TYMP: variants seen among roughly 807,000 people sequenced by gnomAD.
TYMP encodes thymidine phosphorylase.
Under a neutral mutation model 42.3 loss-of-function variants are expected in TYMP, and 46 were observed. The observed-to-expected ratio is 1.09, with a 90% CI of 0.86 to 1.39. TYMP has a LOEUF of 1.39. Ranked by LOEUF, TYMP falls within the 40% of genes most tolerant of loss-of-function variation. The pLI is 0.00. For missense variants in TYMP, 837 were observed against 677.6 expected, an observed-to-expected ratio of 1.24 and a Z score of -2.61; for synonymous variants, 363 against 308.0, an observed-to-expected ratio of 1.18 and a Z score of -1.87.
Position 50,526,448 on chromosome 22 carries a change from G to C in TYMP, c.957C>G (p.His319Gln). The change falls in exon 8 of 10, where the codon CAC becomes CAG. Residue 319 changes from histidine (H) to glutamine (Q), a missense_variant. Physicochemically the swap from His to Gln is conservative, Grantham distance 24. Transcript: ENST00000252029. ...LGGALLWLSG[H>Q]AGTQAQGAAR... ...CAGCGCCCTGGGCCTGAGTCCCCGC[G>C]TGTCCGCTGAGCCAGAGCAGGGCGC... 1.3e-6 allele frequency: 2 copies of C among 1,496,788 alleles called. No homozygotes were observed. Among genetic ancestry groups the C allele is most frequent in the African/African-American group, 1.5e-5 (1 of 68,832 alleles). The allele number at this position is 1,496,788 out of a possible 1,614,324, so 92.7% of individuals were successfully genotyped here. A position where few individuals can be genotyped will look rare whatever the true frequency, so the allele number is the denominator to read the frequency against.
chr22:50,529,651 C>T lies in TYMP; in HGVS notation c.59G>A (p.Gly20Glu). Residue 20 changes from glycine (G) to glutamate (E), a missense_variant, in exon 2 of 10, where the codon GGG (glycine) becomes GAG (glutamate). Transcript: ENST00000252029. ...GTCGGGAAGTCCCTGGCTCCCTTCCCCGGAGAAGTCACCAGGCGCGGGTGG... is the reference window on the plus strand; with the variant it reads ...GTCGGGAAGTCCCTGGCTCCCTTCCTCGGAGAAGTCACCAGGCGCGGGTGG... ...GAPPAPGDFS[G>E]EGSQGLPDPS... 1 of 1,612,464 alleles carries T rather than the reference C, an allele frequency of 6.2e-7. No homozygotes were observed. The highest frequency in any genetic ancestry group is 1.1e-5 in the South Asian group (1 of 90,954).
In TYMP at chr22:50,529,698, C is replaced by G; in HGVS notation, c.12G>C (p.Leu4Phe). The G allele has an allele frequency of 6.2e-7, 1 of 1,610,670 alleles. No individual in the cohort carries two copies. The highest frequency in any genetic ancestry group is 8.5e-7 in the Non-Finnish European group (1 of 1,179,178). ...GTGGGGCCCCGGTTCCCGGGGTCAT[C>G]AAGGCTGCCATCGCTCCGGGCCTGC... MAA[L>F]MTPGTGAPPA... is the part of the protein sequence containing the mutation. Residue 4 changes from leucine (L) to phenylalanine (F), a missense_variant, in exon 2 of 10, where the codon TTG (leucine) becomes TTC (phenylalanine). Coordinates refer to ENST00000252029, the MANE Select transcript of TYMP (RefSeq NM_001953.5).
rs773975052 is a variant in TYMP at position 50,526,570 on chromosome 22, C to G, written c.928+6G>C. On this transcript the variant is annotated splice_donor_region_variant and intron_variant, in intron 7 of 9. Coordinates refer to ENST00000252029, the MANE Select transcript of TYMP (RefSeq NM_001953.5). ...CCTCCGCTCCCCTACACCCCGTCCC[C>G]CTCACCGAGCGTGGTGACCAGGTCC... The G allele has an allele frequency of 5.1e-6, 8 of 1,568,562 alleles. No individual in the cohort carries two copies. The highest frequency in any genetic ancestry group is 6.0e-6 in the Non-Finnish European group (7 of 1,158,032).
At position 50,525,783 on chromosome 22, in the gene TYMP, G is replaced by A. The variant is rs1245466741; in HGVS notation, c.1436C>T (p.Pro479Leu). The stretch of plus-strand genomic sequence containing the variant: ...GGCAAAGGAGCTTTATTGCTGCGGC[G>A]GCAGAACGAGCTCTGCGAAGGGCGA... ...APSPFAELVLPPQQ is the reference protein window; with the variant it reads ...APSPFAELVLLPQQ The change falls in exon 10 of 10, where the codon CCG (proline) becomes CTG (leucine). Residue 479 changes from proline to leucine, a missense_variant. Pro to Leu is a moderately conservative substitution (Grantham distance 98, BLOSUM62 -3). Transcript: ENST00000252029. 3 of 1,610,866 alleles carry A rather than the reference G, an allele frequency of 1.9e-6. No homozygotes were observed. The highest frequency in any genetic ancestry group is 2.2e-5 in the East Asian group (1 of 44,812).
Position 50,526,411 on chromosome 22 carries a change from C to T in TYMP, c.994G>A (p.Ala332Thr). 6.6e-7 allele frequency: 1 copy of T among 1,512,614 alleles called. No individual in the cohort carries two copies. Among genetic ancestry groups the T allele is most frequent in the South Asian group, 1.2e-5 (1 of 81,396 alleles). 93.7% of individuals were successfully genotyped at this position (1,512,614 alleles called of 1,614,324 possible). The change falls in exon 8 of 10, where the codon GCG (alanine) becomes ACG (threonine). Residue 332 changes from alanine (A) to threonine (T), a missense_variant. Physicochemically the swap from Ala to Thr is moderately conservative, Grantham distance 58. Transcript: ENST00000252029. ...TQAQGAARVA[A>T]ALDDGSALGR... is the part of the protein sequence containing the mutation. ...AGGGCCGAGCCGTCGTCCAGCGCCG[C>T]GGCCACCCGGGCAGCGCCCTGGGCC...
chr22:50,526,065 C>T lies in TYMP; in HGVS notation c.1236G>A (p.Gly412=), dbSNP rs1319340957. The T allele has an allele frequency of 1.3e-6, 2 of 1,484,294 alleles. No homozygotes were observed. The highest frequency in any genetic ancestry group is 2.3e-5 in the Admixed American group (1 of 44,000). The allele number at this position is 1,484,294 out of a possible 1,614,324, so 91.9% of individuals were successfully genotyped here. Reference sequence around the variant, plus strand: ...CGCCCACCCCCAGGCGGAGCGGCTCCCCAGCGCGGCTGCGCCCGGCCCCGA... The same window carrying T: ...CGCCCACCCCCAGGCGGAGCGGCTCTCCAGCGCGGCTGCGCCCGGCCCCGA... ...HELGAGRSRA[G]EPLRLGVGAE... is the part of the protein sequence containing the mutation. The change falls in exon 9 of 10, where the codon GGG becomes GGA. Residue 412 remains glycine, a synonymous_variant. Coordinates refer to ENST00000252029, the MANE Select transcript of TYMP (RefSeq NM_001953.5).
rs1323542953 is a variant in TYMP at position 50,527,289 on chromosome 22, G to A, written c.647-6C>T. On this transcript the variant is annotated splice_polypyrimidine_tract_variant and splice_region_variant and intron_variant, in intron 5 of 9. Coordinates refer to ENST00000252029, the MANE Select transcript of TYMP (RefSeq NM_001953.5). Reference sequence around the variant, plus strand: ...TTTCTTACTGAGAATGGAGGCTTTGGGGGAGGCAGAGGAGGTTGGAGACAA... The same window carrying A: ...TTTCTTACTGAGAATGGAGGCTTTGAGGGAGGCAGAGGAGGTTGGAGACAA... 4 of 1,607,534 alleles carry A rather than the reference G, an allele frequency of 2.5e-6. No individual in the cohort carries two copies. In the Admixed American group the frequency reaches 5.0e-5, roughly 20 times the overall value.
Position 50,529,149 on chromosome 22 carries a change from G to T in TYMP, c.404C>A (p.Ala135Glu). The change falls in exon 3 of 10, where the codon GCA becomes GAA. Residue 135 changes from alanine (A) to glutamate (E), a missense_variant. Physicochemically the swap from Ala to Glu is moderately radical, Grantham distance 107 (BLOSUM62 -1). Coordinates refer to ENST00000252029, the MANE Select transcript of TYMP (RefSeq NM_001953.5). ...VSLVLAPALA[A>E]CGCKVPMISG... ...GTGGTTTCTAACCTTGCAGCCACATGCCGCCAGGGCAGGTGCGAGGACCAG... is the reference window on the plus strand; with the variant it reads ...GTGGTTTCTAACCTTGCAGCCACATTCCGCCAGGGCAGGTGCGAGGACCAG... 2 of 1,613,182 alleles carry T rather than the reference G, an allele frequency of 1.2e-6. No homozygotes were observed. The highest frequency in any genetic ancestry group is 8.5e-7 in the Non-Finnish European group (1 of 1,180,008).
intron 3 of TYMP, 151 bp downstream of exon 3, chr22:50,528,985 G>T: frequency 1.3e-6 from 1 of 784,838 alleles, no homozygotes; most frequent in Non-Finnish European, 2.1e-6. Context: ...GAACGGGGTG[G>T]GGAGAACTGT....
chr22:50,529,776 C>T (rs2069525787), intron 1 of TYMP, 57 bp from the exon 2 acceptor site: 4 of 1,460,742 alleles, frequency 2.7e-6, no homozygotes, highest in Admixed American at 2.0e-5. Flanking sequence ...GGTGTCTGAG[C>T]CACGTGCTCC....
rs940407207 is a variant in TYMP, at chr22:50,526,037, C to T, written c.1264G>A (p.Glu422Lys). The T allele has an allele frequency of 6.1e-6, 9 of 1,478,444 alleles. No individual in the cohort carries two copies. The highest frequency in any genetic ancestry group is 2.9e-5 in the African/African-American group (2 of 68,054). The allele number at this position is 1,478,444 out of a possible 1,614,324, so 91.6% of individuals were successfully genotyped here. Reference sequence around the variant, plus strand: ...CTCTGACCCACGTCGACCAGCAGCTCTGCGCCCACCCCCAGGCGGAGCGGC... The same window carrying T: ...CTCTGACCCACGTCGACCAGCAGCTTTGCGCCCACCCCCAGGCGGAGCGGC... ...GEPLRLGVGA[E>K]LLVDVGQRLR... Residue 422 changes from glutamate to lysine, a missense_variant, in exon 9 of 10, where the codon GAG becomes AAG. Transcript: ENST00000252029.
chr22:50,528,359 C>T (rs2069469812), intron 4 of TYMP, 153 bp downstream of exon 4: 1 of 734,768 alleles, frequency 1.4e-6, no homozygotes, highest in Admixed American at 2.0e-5. Flanking sequence ...CAAAGTTCCA[C>T]TGATGATTTC....
At position 50,527,617 on chromosome 22, in the gene TYMP, G is replaced by T; in HGVS notation, c.617C>A (p.Ala206Asp). Residue 206 changes from alanine to aspartate, a missense_variant, in exon 5 of 10, where the codon GCC (alanine) becomes GAC (aspartate). Ala to Asp is a moderately radical substitution (Grantham distance 126). Coordinates refer to ENST00000252029, the MANE Select transcript of TYMP (RefSeq NM_001953.5). ...GATGAGTGGCAGGCTGTCCACGGTG[G>T]CTGTCACATCTCTGGCTGCATATAG... ...GILYAARDVT[A>D]TVDSLPLITA... is the part of the protein sequence containing the mutation. 6.2e-7 allele frequency: 1 copy of T among 1,613,942 alleles called. No homozygotes were observed. The highest frequency in any genetic ancestry group is 8.5e-7 in the Non-Finnish European group (1 of 1,180,026).
chr22:50,528,432 C>G (rs2069472540), intron 4 of TYMP, 80 bp downstream of exon 4: 6 of 1,223,782 alleles, frequency 4.9e-6, no homozygotes, highest in Non-Finnish European at 7.1e-6. Context: ...CCCTAATGAT[C>G]CACCAGTGAT....
rs1367937948 is a variant in TYMP at position 50,526,678 on chromosome 22, G to T, written c.826C>A (p.Pro276Thr). ...GCGTGGCCCACGCAGCGACCCAGGG[G>T]CTTGTCCATGGCGGTCAGCGCTGCC... ...VAAALTAMDKPLGRCVGHALE... is the reference protein window; with the variant it reads ...VAAALTAMDKTLGRCVGHALE... The change falls in exon 7 of 10, where the codon CCC (proline) becomes ACC (threonine). Residue 276 changes from proline (P) to threonine (T), a missense_variant. Pro to Thr is a conservative substitution (Grantham distance 38, BLOSUM62 -1). Transcript: ENST00000252029. The T allele has an allele frequency of 1.9e-6, 3 of 1,549,554 alleles. No homozygotes were observed. Among genetic ancestry groups the T allele is most frequent in the Non-Finnish European group, 1.7e-6 (2 of 1,150,714 alleles).
At chr22:50,528,413 C>T (rs1321568961) in intron 4 of TYMP, 99 bp downstream of exon 4, 1 of 1,052,188 alleles carries the variant, frequency 9.5e-7, no homozygotes, top group Non-Finnish European at 1.4e-6. Flanking sequence ...CCAGTGTTCT[C>T]ATTAGTGACC....
rs1273910670 is a variant in TYMP, at chr22:50,529,895, C to T, written c.-11+9G>A. On this transcript the variant is annotated intron_variant, in intron 1 of 9. Coordinates refer to ENST00000252029, the MANE Select transcript of TYMP (RefSeq NM_001953.5). ...CTTCCCCGCCTCGCGACTTGAGCCC[C>T]GCCCGTACCTGCTTAGGGCGCTGCC... is the stretch of plus-strand genomic sequence containing the variant. The T allele has an allele frequency of 1.3e-5, 8 of 631,668 alleles. No individual in the cohort carries two copies. In the South Asian group the frequency reaches 1.5e-4, roughly 12 times the overall value. 39.1% of individuals were successfully genotyped at this position (631,668 alleles called of 1,614,324 possible).
Position 50,526,261 on chromosome 22 carries a change from G to A in TYMP, c.1144C>T (p.Leu382=). The part of the protein sequence containing the change: ...LPRAREQEEL[L]APADGTVELV... ...CGACGCTCACCATCTGCGGGCGCCA[G>A]CAGCTCCTCCTGCTCCCGGGCGCGA... The change falls in exon 8 of 10, where the codon CTG becomes TTG. Residue 382 remains leucine (L), a synonymous_variant. Coordinates refer to ENST00000252029, the MANE Select transcript of TYMP (RefSeq NM_001953.5). 2 of 1,537,286 alleles carry A rather than the reference G, an allele frequency of 1.3e-6. No homozygotes were observed. Among genetic ancestry groups the A allele is most frequent in the South Asian group, 2.4e-5 (2 of 83,582 alleles).
In TYMP at chr22:50,529,608, C is replaced by T. The variant is rs1313541184; in HGVS notation, c.102G>A (p.Lys34=). ...TCATGCGGATCAGCTCCGGGAGCTG[C>T]TTGGGCTCTGGCGAAGGGTCGGGAA... ...QGLPDPSPEP[K]QLPELIRMKR... is the part of the protein sequence containing the mutation. Residue 34 remains lysine (K), a synonymous_variant, in exon 2 of 10, where the codon AAG becomes AAA. Coordinates refer to ENST00000252029, the MANE Select transcript of TYMP (RefSeq NM_001953.5). 3.1e-6 allele frequency: 5 copies of T among 1,612,964 alleles called. No homozygotes were observed. Among genetic ancestry groups the T allele is most frequent in the Non-Finnish European group, 3.4e-6 (4 of 1,179,886 alleles).
Sources: gnomAD v4.1 joint callset for allele counts on GRCh38, gnomAD v4.1.1 for gene constraint, MANE v1.5 for transcripts, NCBI Gene and HGNC (gene_info 2026-07-23, HGNC 2026-07-21) for gene names.